The following PCDHGA7 variants were observed in gnomAD, a reference collection of about 807,000 sequenced individuals.
PCDHGA7 encodes the protein protocadherin gamma subfamily A, 7.
A neutral mutation model predicts 58.3 loss-of-function variants in PCDHGA7; 44 were observed. That is an observed-to-expected ratio of 0.75 (90% CI 0.59 to 0.97). PCDHGA7 has a LOEUF of 0.97. PCDHGA7 is among the 50% of genes least tolerant of loss of function. The pLI, the probability that PCDHGA7 is intolerant of heterozygous loss-of-function variation, is 0.00. For synonymous variants in PCDHGA7, 516 were observed against 504.2 expected (o/e 1.02, Z -0.31); for missense variants, 1,266 against 1,188.7 (o/e 1.06, Z -0.96).
Position 141,485,444 on chromosome 5 carries a change from G to T in PCDHGA7, c.2425-9363G>T. 1 of 1,614,108 alleles carries T rather than the reference G, an allele frequency of 6.2e-7. No homozygotes were observed. The highest frequency in any genetic ancestry group is 8.5e-7 in the Non-Finnish European group (1 of 1,180,020). ...AGCCCTGCTCATCAAGAACCCAATC[G>T]ACCGAGAGGCACTGTGTGGGCTCAG... is the stretch of plus-strand genomic sequence containing the variant. On this transcript the variant is annotated intron_variant, in intron 1 of 3. Coordinates refer to ENST00000518325, the MANE Select transcript of PCDHGA7 (RefSeq NM_018920.4). This position sits in a 1 kb window ranked among gnomAD's most constrained non-coding sequence, Gnocchi z 5.7.
intron 1 of PCDHGA7, among the ~76,000 whole-genome samples, chr5:141,466,351 A>G (rs897901821): frequency 6.6e-6 from 1 of 152,050 alleles, no homozygotes; most frequent in African/African-American, 2.4e-5. Context: ...TTTTGCAGCT[A>G]ATCTAGATGT....
At chr5:141,389,671 C>T in intron 1 of PCDHGA7, 1 of 1,612,458 alleles carries the variant, frequency 6.2e-7, no homozygotes, top group Non-Finnish European at 8.5e-7. Flanking sequence ...GACGCAGACT[C>T]AGGACACAAC....
Position 141,486,173 on chromosome 5 carries a change from T to C in PCDHGA7, c.2425-8634T>C. 1 of 1,614,220 alleles carries C rather than the reference T, an allele frequency of 6.2e-7. No homozygotes were observed. Among genetic ancestry groups the C allele is most frequent in the Non-Finnish European group, 8.5e-7 (1 of 1,180,042 alleles). ...GGGTTCTCCAGCCATGGAGCAACATTGCAGCCTTCGAGTGGATCTGCTGGA... is the reference window on the plus strand; with the variant it reads ...GGGTTCTCCAGCCATGGAGCAACATCGCAGCCTTCGAGTGGATCTGCTGGA... On this transcript the variant is annotated intron_variant, in intron 1 of 3. Transcript: ENST00000518325. The surrounding 1 kb of genome is among the most constrained non-coding windows in gnomAD (Gnocchi z 5.0).
intron 1 of PCDHGA7, chr5:141,415,740 G>GTTTTTTTTTTTTTGTTT (rs2095912299): frequency 1.9e-6 from 1 of 515,998 alleles, no homozygotes; most frequent in Non-Finnish European, 2.6e-6. Context: ...GTTTATTAAG[G>GTTTTTTTTTTTTTGTTT]TTTTTTTTTT....
At chr5:141,438,627 TATATATATAC>T (rs572501359) in intron 1 of PCDHGA7, among the ~76,000 whole-genome samples, 778 of 47,938 alleles carry the variant, frequency 0.016, 4 homozygotes, top group East Asian at 0.059. Context: ...TATATATATA[TATATATATAC>T]ACACACACAC....
chr5:141,404,745 C>T, intron 1 of PCDHGA7: 1 of 1,613,966 alleles, frequency 6.2e-7, no homozygotes, highest in Non-Finnish European at 8.5e-7. Flanking sequence ...GACAGAGACT[C>T]AGGCCAGAAT....
intron 3 of PCDHGA7, among the ~76,000 whole-genome samples, chr5:141,509,791 C>T (rs2099878284): frequency 6.6e-6 from 1 of 152,164 alleles, no homozygotes; most frequent in Non-Finnish European, 1.5e-5. Flanking sequence ...TCATCATCTC[C>T]TCAGCTTCAT....
In PCDHGA7 at chr5:141,477,211, C is replaced by T. The variant is rs1282763530; in HGVS notation, c.2425-17596C>T. On this transcript the variant is annotated intron_variant, in intron 1 of 3. Coordinates refer to ENST00000518325, the MANE Select transcript of PCDHGA7 (RefSeq NM_018920.4). The surrounding 1 kb of genome is among the most constrained non-coding windows in gnomAD (Gnocchi z 4.9). ...TGTACAGCCCAGTACCCGAGGATGC[C>T]CCTCTGGGGACTGTCATCGCTTTGC... 2 of 1,614,154 alleles carry T rather than the reference C, an allele frequency of 1.2e-6. No individual in the cohort carries two copies. Among genetic ancestry groups the T allele is most frequent in the East Asian group, 4.5e-5 (2 of 44,870 alleles).
At chr5:141,443,844 G>T (rs976057583) in intron 1 of PCDHGA7, among the ~76,000 whole-genome samples, 1 of 152,130 alleles carries the variant, frequency 6.6e-6, no homozygotes, top group African/African-American at 2.4e-5. Flanking sequence ...GGGTAATATG[G>T]AAAGTCTGAA....
In PCDHGA7 at chr5:141,476,218, C is replaced by G. The variant is rs1562052166; in HGVS notation, c.2425-18589C>G. On this transcript the variant is annotated intron_variant, in intron 1 of 3. Transcript: ENST00000518325. The surrounding 1 kb of genome is among the most constrained non-coding windows in gnomAD (Gnocchi z 7.6). ...TGAACAAGGCTTCCACGGTCATTCA[C>G]TATGAGATCCCGGAGGAAAGAGAGA... is the stretch of plus-strand genomic sequence containing the variant. 1 of 1,613,984 alleles carries G rather than the reference C, an allele frequency of 6.2e-7. No homozygotes were observed.
At chr5:141,438,914 C>T (rs1249997741) in intron 1 of PCDHGA7, among the ~76,000 whole-genome samples, 1 of 151,906 alleles carries the variant, frequency 6.6e-6, no homozygotes, top group Non-Finnish European at 1.5e-5. Flanking sequence ...GATCCACCTG[C>T]CTTGGCCTCC....
intron 1 of PCDHGA7, chr5:141,385,668 C>G (rs2090319612): frequency 2.3e-6 from 1 of 428,688 alleles, no homozygotes; most frequent in African/African-American, 2.1e-5. Flanking sequence ...AGGAATAAAA[C>G]ACACCTCAGC....
rs1241061038 is a variant in PCDHGA7 at position 141,394,846 on chromosome 5, T to C, written c.2424+9523T>C. ...GAAGTCCTGACCGAGTTGGGCAGTC[T>C]GAAGCCTTCGGTCGACCCGAACGAT... On this transcript the variant is annotated intron_variant, in intron 1 of 3. Coordinates refer to ENST00000518325, the MANE Select transcript of PCDHGA7 (RefSeq NM_018920.4). The C allele has an allele frequency of 1.9e-6, 3 of 1,613,732 alleles. No homozygotes were observed. In the African/African-American group the frequency reaches 4.0e-5, roughly 22 times the overall value.
intron 1 of PCDHGA7, chr5:141,414,447 C>A (rs2095748360): frequency 1.2e-6 from 2 of 1,613,848 alleles, no homozygotes; most frequent in East Asian, 2.2e-5. Flanking sequence ...CTTACAATAT[C>A]ACAGTGACAG....
intron 1 of PCDHGA7, among the ~76,000 whole-genome samples, chr5:141,482,530 C>CAAAAAAAAA (rs3074545): frequency 5.2e-4 from 40 of 76,506 alleles, no homozygotes; most frequent in African/African-American, 1.4e-3. Context: ...GACAGACATG[C>CAAAAAAAAA]AAAAAAAAAA....
chr5:141,393,367 G>T, intron 1 of PCDHGA7: 1 of 1,613,962 alleles, frequency 6.2e-7, no homozygotes, highest in South Asian at 1.1e-5. Context: ...GTGCAGACTG[G>T]AGACAATGGA....
intron 1 of PCDHGA7, among the ~76,000 whole-genome samples, chr5:141,426,099 G>A (rs1590666889): frequency 1.3e-5 from 2 of 152,348 alleles, no homozygotes; most frequent in African/African-American, 4.8e-5. Context: ...ATTCTGTTCA[G>A]TCACAGAAGC....
chr5:141,477,814 G>C lies in PCDHGA7; in HGVS notation c.2425-16993G>C, dbSNP rs780195618. The C allele has an allele frequency of 1.2e-6, 2 of 1,614,110 alleles. No homozygotes were observed. The highest frequency in any genetic ancestry group is 1.1e-5 in the South Asian group (1 of 91,074). On this transcript the variant is annotated intron_variant, in intron 1 of 3. Coordinates refer to ENST00000518325, the MANE Select transcript of PCDHGA7 (RefSeq NM_018920.4). The surrounding 1 kb of genome is among the most constrained non-coding windows in gnomAD (Gnocchi z 4.9). ...CTGATCGCAATGACAATGCCCCCCA[G>C]GTCCTATATCCTCGGCCAGGTGGGA... is the stretch of plus-strand genomic sequence containing the variant.
At chr5:141,434,920 A>G (rs927245955) in intron 1 of PCDHGA7, among the ~76,000 whole-genome samples, 3 of 151,796 alleles carry the variant, frequency 2.0e-5, no homozygotes, top group East Asian at 1.9e-4. Flanking sequence ...ATTTATGTAC[A>G]TATATTTTAT....
Sources: gnomAD v4.1 joint callset for allele counts (sites outside exome capture counted in the v4.1 genomes callset) on GRCh38, gnomAD v4.1.1 for gene constraint, Gnocchi (gnomAD v3.1) non-coding constraint, MANE v1.5 for transcripts, NCBI Gene and HGNC (gene_info 2026-07-23, HGNC 2026-07-21) for gene names.